ANKFN1: variants seen among roughly 807,000 people sequenced by gnomAD.
The protein encoded by ANKFN1 is ankyrin repeat and fibronectin type-III domain-containing protein 1.
A neutral mutation model predicts 108.7 loss-of-function variants in ANKFN1; 74 were observed. That is an observed-to-expected ratio of 0.68 (90% CI 0.56 to 0.83). The LOEUF (loss-of-function observed/expected upper bound fraction) is 0.83, where lower values mean the gene tolerates loss of function less well. Among genes scored for constraint, ANKFN1 ranks in the 40% least tolerant of loss-of-function variants. ANKFN1 has a pLI of 0.00. For missense variants in ANKFN1, 1,505 were observed against 1,382.3 expected, an observed-to-expected ratio of 1.09 and a Z score of -1.41; for synonymous variants, 547 against 516.2, an observed-to-expected ratio of 1.06 and a Z score of -0.81.
At chr17:56,094,767 A>G (rs1351154408) in intron 4 of ANKFN1, among the ~76,000 whole-genome samples, 2 of 145,328 alleles carry the variant, frequency 1.4e-5, no homozygotes, top group Non-Finnish European at 3.0e-5. Flanking sequence ...TGATCCACCC[A>G]CCTTGACCTC....
intron 1 of ANKFN1, among the ~76,000 whole-genome samples, chr17:56,173,200 C>A (rs1413916748): frequency 6.6e-6 from 1 of 152,210 alleles, no homozygotes; most frequent in African/African-American, 2.4e-5. Context: ...TAGCTCCTGG[C>A]TCCCCTCTCT....
intron 3 of ANKFN1, among the ~76,000 whole-genome samples, chr17:56,310,461 C>T (rs1052274970): frequency 2.0e-5 from 3 of 151,740 alleles, no homozygotes; most frequent in African/African-American, 7.3e-5. Flanking sequence ...ACTAAAAATA[C>T]AAAAAATTAG....
At chr17:56,055,596 T>TATATATATATACAC (rs768200056) in intron 4 of ANKFN1, among the ~76,000 whole-genome samples, 4 of 130,632 alleles carry the variant, frequency 3.1e-5, no homozygotes, top group East Asian at 2.1e-4. Flanking sequence ...TATGTATATA[T>TATATATATATACAC]ACACATTTTT....
chr17:56,510,405 TC>T (rs1249670210), intron 20 of ANKFN1, 67 bp from the exon 21 acceptor site: 34 of 1,340,912 alleles, frequency 2.5e-5, no homozygotes, highest in Non-Finnish European at 3.1e-5. Flanking sequence ...AATGCACTGT[TC>T]CTATGCCTGT....
chr17:56,492,004 G>A (rs1468859738), intron 18 of ANKFN1, among the ~76,000 whole-genome samples, 183 bp from the exon 19 acceptor site: 1 of 152,072 alleles, frequency 6.6e-6, no homozygotes, highest in Non-Finnish European at 1.5e-5. Context: ...AGGGAATACT[G>A]TCTGACTAAA....
chr17:56,056,416 T>G (rs1567778768), intron 4 of ANKFN1, among the ~76,000 whole-genome samples: 1 of 148,490 alleles, frequency 6.7e-6, no homozygotes, highest in Non-Finnish European at 1.5e-5. Context: ...TTGCCTGACT[T>G]CAAATTATAC....
At chr17:56,189,170 C>CATTTTTTTTT (rs1555607722) in intron 1 of ANKFN1, among the ~76,000 whole-genome samples, 28 of 85,266 alleles carry the variant, frequency 3.3e-4, no homozygotes, top group African/African-American at 6.1e-4. Flanking sequence ...GTTGCCCTGA[C>CATTTTTTTTT]TTTTTTTTTT....
At chr17:56,320,283 C>T (rs760306338) in intron 3 of ANKFN1, among the ~76,000 whole-genome samples, 3 of 152,160 alleles carry the variant, frequency 2.0e-5, no homozygotes, top group Non-Finnish European at 4.4e-5. Flanking sequence ...TTCAATTATC[C>T]TTTGGCAATG....
chr17:56,262,809 C>G (rs2043550357), intron 3 of ANKFN1, among the ~76,000 whole-genome samples: 1 of 151,640 alleles, frequency 6.6e-6, no homozygotes, highest in South Asian at 2.1e-4. Context: ...GCCATACCCC[C>G]TCACAGAGCA....
chr17:56,066,127 C>T (rs547556302), intron 4 of ANKFN1, among the ~76,000 whole-genome samples: 1 of 152,276 alleles, frequency 6.6e-6, no homozygotes, highest in South Asian at 2.1e-4. Flanking sequence ...TCTCTTTTGG[C>T]TTAGAGTTCT....
intron 4 of ANKFN1, among the ~76,000 whole-genome samples, chr17:56,119,920 A>C (rs1181764091): frequency 6.6e-6 from 1 of 152,166 alleles, no homozygotes; most frequent in African/African-American, 2.4e-5. Context: ...ACAGCTCCCA[A>C]TAAATGGCAG....
chr17:56,123,795 T>TTGTG (rs58283151), intron 4 of ANKFN1, among the ~76,000 whole-genome samples: 5,548 of 144,720 alleles, frequency 0.038, 109 homozygotes, highest in Middle Eastern at 0.066. Context: ...GCATGACTGA[T>TTGTG]TGTGTGTGTG....
intron 8 of ANKFN1, among the ~76,000 whole-genome samples, chr17:56,430,611 C>T (rs2048724161): frequency 6.6e-6 from 1 of 151,718 alleles, no homozygotes; most frequent in Non-Finnish European, 1.5e-5. Context: ...ATATGAATAT[C>T]ACAACATCAT....
At chr17:56,477,849 C>T (rs182257858) in intron 16 of ANKFN1, among the ~76,000 whole-genome samples, 195 bp downstream of exon 16, 5 of 151,744 alleles carry the variant, frequency 3.3e-5, no homozygotes, top group Non-Finnish European at 5.9e-5. Context: ...TTTTTTGAGA[C>T]GGAGTTTCAC....
chr17:56,130,510 A>T (rs148910974), intron 4 of ANKFN1, among the ~76,000 whole-genome samples: 13 of 152,216 alleles, frequency 8.5e-5, no homozygotes, highest in Middle Eastern at 3.4e-3. Flanking sequence ...GGATCATGGT[A>T]TCACTCAAAA....
intron 4 of ANKFN1, among the ~76,000 whole-genome samples, chr17:56,089,103 G>A (rs1905368035): frequency 6.6e-6 from 1 of 151,310 alleles, no homozygotes; most frequent in South Asian, 2.1e-4. Flanking sequence ...GTGGAGGAGA[G>A]GATTTTAAAA....
chr17:56,209,866 TGCCTC>T (rs1914838158), intron 1 of ANKFN1, among the ~76,000 whole-genome samples: 1 of 152,176 alleles, frequency 6.6e-6, no homozygotes, highest in Non-Finnish European at 1.5e-5. Flanking sequence ...ATCATTCTTA[TGCCTC>T]GTGTCCTCAT....
chr17:56,157,977 T>C (rs1449630878), intron 1 of ANKFN1, among the ~76,000 whole-genome samples: 8 of 152,214 alleles, frequency 5.3e-5, no homozygotes, highest in Non-Finnish European at 2.9e-5. Context: ...TTGGCACTCA[T>C]AACTTTCCAG....
At chr17:56,135,436 G>T (rs1280407760) in intron 4 of ANKFN1, among the ~76,000 whole-genome samples, 3 of 152,102 alleles carry the variant, frequency 2.0e-5, no homozygotes, top group Non-Finnish European at 4.4e-5. Flanking sequence ...TAGAACCCAG[G>T]TCTCTAGATT....
Sources: gnomAD v4.1 joint callset for allele counts (sites outside exome capture counted in the v4.1 genomes callset) on GRCh38, gnomAD v4.1.1 for gene constraint, MANE v1.5 for transcripts, NCBI Gene and HGNC (gene_info 2026-07-23, HGNC 2026-07-21) for gene names.